Variants in FLYWCH1 observed in about 807,000 individuals in gnomAD.
FLYWCH1 encodes the protein FLYWCH-type zinc finger-containing protein 1.
A neutral mutation model predicts 66.4 loss-of-function variants in FLYWCH1; 75 were observed. The observed-to-expected ratio is 1.13, with a 90% CI of 0.94 to 1.37. The LOEUF is 1.37. Among genes scored for constraint, FLYWCH1 ranks in the 40% most tolerant of loss-of-function variants. The pLI is 0.00. For missense variants in FLYWCH1, 1,334 were observed against 1,001.8 expected, an observed-to-expected ratio of 1.33 and a Z score of -4.48; for synonymous variants, 595 against 429.9, an observed-to-expected ratio of 1.38 and a Z score of -4.75.
Position 2,948,764 on chromosome 16 carries a change from A to C in FLYWCH1, c.*37A>C. On this transcript the variant is annotated 3_prime_UTR_variant, in exon 10 of 10. Coordinates refer to ENST00000253928, the MANE Select transcript of FLYWCH1 (RefSeq NM_001308068.2). ...CAGAGGAGCTCCGAGCCGCCCACCC[A>C]AGGTGGCTTCACATCCACACAGGCA... 1 of 1,609,306 alleles carries C rather than the reference A, an allele frequency of 6.2e-7. No homozygotes were observed. The highest frequency in any genetic ancestry group is 1.1e-5 in the South Asian group (1 of 90,972).
intron 1 of FLYWCH1, among the ~76,000 whole-genome samples, chr16:2,913,867 A>C (rs4617863): frequency 1.2e-4 from 18 of 151,420 alleles, no homozygotes; most frequent in Non-Finnish European, 2.5e-4. Flanking sequence ...TTAAAAAAAA[A>C]TTTTTTTAGT....
chr16:2,922,962 G>A (rs893298579), intron 2 of FLYWCH1: 16 of 522,838 alleles, frequency 3.1e-5, no homozygotes, highest in Admixed American at 7.8e-5. Context: ...GGCTGCCTCC[G>A]GAGTCGCAGT....
At chr16:2,917,879 G>T (rs2070227958) in intron 2 of FLYWCH1, among the ~76,000 whole-genome samples, 1 of 139,752 alleles carries the variant, frequency 7.2e-6, no homozygotes, top group South Asian at 2.2e-4. Context: ...CTGTTGCCCA[G>T]GCTGGAGTAC....
chr16:2,933,044 G>A (rs889255614), intron 4 of FLYWCH1, 86 bp from the exon 5 acceptor site: 25 of 1,199,080 alleles, frequency 2.1e-5, no homozygotes, highest in Admixed American at 9.9e-5. Context: ...AGAAAGGCTC[G>A]TGTCAGCCCC....
At chr16:2,926,561 A>G (rs113975713) in intron 2 of FLYWCH1, among the ~76,000 whole-genome samples, 1 of 152,322 alleles carries the variant, frequency 6.6e-6, no homozygotes, top group African/African-American at 2.4e-5. Flanking sequence ...GGCCTGGGAA[A>G]AAAATTCATG....
chr16:2,945,783 A>T (rs530712881), intron 9 of FLYWCH1, among the ~76,000 whole-genome samples: 1 of 152,058 alleles, frequency 6.6e-6, no homozygotes, highest in Non-Finnish European at 1.5e-5. Context: ...AGATCATGAG[A>T]TCAGGAGATC....
Position 2,948,822 on chromosome 16 carries a change from A to C in FLYWCH1, c.*95A>C. The C allele has an allele frequency of 8.9e-7, 1 of 1,118,914 alleles. No individual in the cohort carries two copies. Among genetic ancestry groups the C allele is most frequent in the Non-Finnish European group, 1.4e-6 (1 of 740,188 alleles). 69.3% of individuals were successfully genotyped at this position (1,118,914 alleles called of 1,614,324 possible). ...TCCACCTAGGTTTGGCTTAGCAGAA[A>C]CTTCTTTTCATTCTTCCAAAGCATC... On this transcript the variant is annotated 3_prime_UTR_variant, in exon 10 of 10. Transcript: ENST00000253928.
chr16:2,933,657 T>A (rs2070868687), intron 5 of FLYWCH1, 59 bp from the exon 6 acceptor site: 2 of 1,565,618 alleles, frequency 1.3e-6, no homozygotes, highest in Admixed American at 3.7e-5. Flanking sequence ...GGGAAGGGGG[T>A]GCGATCAGGC....
At chr16:2,931,954 A>C (rs2070775066) in intron 4 of FLYWCH1, among the ~76,000 whole-genome samples, 1 of 152,098 alleles carries the variant, frequency 6.6e-6, no homozygotes, top group African/African-American at 2.4e-5. Flanking sequence ...TCTACTAAAA[A>C]AATACAAAAA....
chr16:2,937,278 G>T lies in FLYWCH1; in HGVS notation c.1671G>T (p.Arg557=), dbSNP rs61747750. 45,598 of 1,605,164 alleles carry T rather than the reference G, an allele frequency of 0.028. 751 individuals carry two copies. Among genetic ancestry groups the T allele is most frequent in the Middle Eastern group, 0.035 (179 of 5,156 alleles). The change falls in exon 7 of 10, where the codon CGG becomes CGT. Residue 557 remains arginine, a synonymous_variant. Transcript: ENST00000253928. ...GCAGCCGCGCCATCACCCAGGGCCGGCGGGTCATGGTCATGCGCAGGCACT... is the reference window on the plus strand; with the variant it reads ...GCAGCCGCGCCATCACCCAGGGCCGTCGGGTCATGGTCATGCGCAGGCACT... ...GCRSRAITQG[R]RVMVMRRHCH...
In FLYWCH1 at chr16:2,933,961, G is replaced by C; in HGVS notation, c.1495G>C (p.Ala499Pro). 1 of 1,545,972 alleles carries C rather than the reference G, an allele frequency of 6.5e-7. No individual in the cohort carries two copies. The highest frequency in any genetic ancestry group is 8.7e-7 in the Non-Finnish European group (1 of 1,144,572). ...GCAGCGGGAGAAACGCCCCAACACG[G>C]CGCAGCGGGGGAGCCCAGGTACCTG... is the stretch of plus-strand genomic sequence containing the variant. ...LRQREKRPNT[A>P]QRGSPGGPEF... Residue 499 changes from alanine (A) to proline (P), a missense_variant, in exon 6 of 10, where the codon GCG becomes CCG. Ala to Pro is a conservative substitution (Grantham distance 27). Coordinates refer to ENST00000253928, the MANE Select transcript of FLYWCH1 (RefSeq NM_001308068.2).
At chr16:2,925,234 C>G (rs2070516645) in intron 2 of FLYWCH1, among the ~76,000 whole-genome samples, 1 of 152,192 alleles carries the variant, frequency 6.6e-6, no homozygotes, top group Admixed American at 6.5e-5. Flanking sequence ...GGTGCCTCCC[C>G]AGGAACAAAG....
intron 9 of FLYWCH1, among the ~76,000 whole-genome samples, chr16:2,947,830 C>T (rs568408307): frequency 8.0e-5 from 12 of 150,316 alleles, no homozygotes; most frequent in Admixed American, 5.3e-4. Flanking sequence ...TTCAGGAGTT[C>T]GAGACCAGCT....
intron 4 of FLYWCH1, among the ~76,000 whole-genome samples, chr16:2,931,565 G>A (rs930102536): frequency 4.0e-5 from 6 of 151,816 alleles, no homozygotes; most frequent in South Asian, 4.1e-4. Context: ...GCAGTGAGCC[G>A]GGATCACGCC....
chr16:2,946,352 C>T (rs2071486696), intron 9 of FLYWCH1, among the ~76,000 whole-genome samples: 1 of 119,040 alleles, frequency 8.4e-6, no homozygotes, highest in Non-Finnish European at 1.6e-5. Context: ...GATGGAGTCT[C>T]GTTCTGTCCC....
intron 6 of FLYWCH1, chr16:2,936,671 A>G: frequency 2.2e-6 from 1 of 460,762 alleles, no homozygotes; most frequent in Non-Finnish European, 4.3e-6. Context: ...CCTCTTCCTC[A>G]GAGTCCTGGG....
intron 2 of FLYWCH1, among the ~76,000 whole-genome samples, chr16:2,916,980 T>TAA (rs56875032): frequency 0.015 from 1,971 of 135,898 alleles, 45 homozygotes; most frequent in African/African-American, 0.05. Flanking sequence ...CCATCTCTAG[T>TAA]AAAAAAAAAA....
intron 1 of FLYWCH1, among the ~76,000 whole-genome samples, 170 bp from the exon 2 acceptor site, chr16:2,914,006 C>G (rs554882586): frequency 3.3e-5 from 5 of 152,318 alleles, no homozygotes; most frequent in Admixed American, 3.3e-4. Context: ...CACCGTGCCA[C>G]CGGCCCATTC....
At chr16:2,932,026 G>A (rs1420132023) in intron 4 of FLYWCH1, among the ~76,000 whole-genome samples, 2 of 150,082 alleles carry the variant, frequency 1.3e-5, no homozygotes, top group Non-Finnish European at 3.0e-5. Flanking sequence ...GCTGAGGCAG[G>A]AGAATGGCGT....
Sources: gnomAD v4.1 joint callset for allele counts (sites outside exome capture counted in the v4.1 genomes callset) on GRCh38, gnomAD v4.1.1 for gene constraint, MANE v1.5 for transcripts, NCBI Gene and HGNC (gene_info 2026-07-23, HGNC 2026-07-21) for gene names.